SLC36A1: variants seen among roughly 807,000 people sequenced by gnomAD.
SLC36A1 encodes the protein solute carrier family 36 member 1, also known as proton-coupled amino acid transporter 1.
SLC36A1 carries 30 observed loss-of-function variants against 47.5 expected under a neutral mutation model. The observed-to-expected ratio is 0.63, with a 90% CI of 0.47 to 0.86. The LOEUF is 0.86. Ranked by LOEUF, SLC36A1 falls within the 40% of genes least tolerant of loss-of-function variation. The pLI is 0.00. For missense variants in SLC36A1, 517 were observed against 606.0 expected (o/e 0.85, Z 1.54); for synonymous variants, 255 against 249.7 (o/e 1.02, Z -0.20).
the SLC36A1 span, among the ~76,000 whole-genome samples, chr5:151,346,611 A>T: frequency 6.6e-6 from 1 of 151,762 alleles, no homozygotes; most frequent in African/African-American, 2.4e-5. Flanking sequence ...TCACTACCAC[A>T]CCCCACACCT....
chr5:151,347,623 A>G, the SLC36A1 span: 1 of 734,494 alleles, frequency 1.4e-6, no homozygotes, highest in Non-Finnish European at 2.3e-6. Flanking sequence ...CCTGGAGGGC[A>G]CCTCTTCCTG....
the SLC36A1 span, among the ~76,000 whole-genome samples, chr5:151,523,006 C>T: frequency 5.3e-5 from 8 of 152,150 alleles, no homozygotes; most frequent in Non-Finnish European, 2.9e-5. Context: ...AACTTCCTGC[C>T]TGACTTAGAA....
the SLC36A1 span, chr5:151,554,679 A>G: frequency 1.2e-6 from 2 of 1,602,292 alleles, no homozygotes; most frequent in Non-Finnish European, 1.7e-6. Flanking sequence ...GTCACCTGGG[A>G]GCAGAATTGA....
rs1450143526 is a variant in SLC36A1, at chr5:151,467,176, ATTCC to A, written c.420-14_420-11del. 1.3e-6 allele frequency: 2 copies of A among 1,544,996 alleles called. No individual in the cohort carries two copies. The highest frequency in any genetic ancestry group is 1.8e-6 in the Non-Finnish European group (2 of 1,126,174). On this transcript the variant is annotated intron_variant, in intron 5 of 10. Transcript: ENST00000243389. ...GCATTTGTATTGTAACAGTCTTTGT[ATTCC>A]TTCCTTCCCCACCTCCAGACGTGTT...
chr5:151,545,181 C>T, the SLC36A1 span: 1 of 1,614,194 alleles, frequency 6.2e-7, no homozygotes, highest in Non-Finnish European at 8.5e-7. Flanking sequence ...CCTTTCTGTC[C>T]TGCAAGTTCT....
At chr5:151,543,488 T>G in the SLC36A1 span, 16 of 1,614,164 alleles carry the variant, frequency 9.9e-6, no homozygotes, top group Non-Finnish European at 1.4e-5. Flanking sequence ...TCTGTTGAAT[T>G]TTCCCGATCC....
the SLC36A1 span, among the ~76,000 whole-genome samples, chr5:151,372,446 A>AT: frequency 6.2e-4 from 92 of 148,674 alleles, no homozygotes; most frequent in Admixed American, 8.8e-4. Context: ...TTCATTAAAA[A>AT]TTTTTTTTTT....
the SLC36A1 span, chr5:151,550,480 G>A: frequency 4.8e-4 from 597 of 1,244,072 alleles, 9 homozygotes; most frequent in South Asian, 7.4e-3. Context: ...ACTCTGTCTC[G>A]TGCATGGTCC....
At chr5:151,436,468 C>T (rs1041161119), upstream of SLC36A1, among the ~76,000 whole-genome samples, 29 of 151,972 alleles carry the variant, frequency 1.9e-4, no homozygotes, top group Admixed American at 4.6e-4. Flanking sequence ...TGATCAAGGA[C>T]TCCAAGGGTC....
intron 10 of SLC36A1, among the ~76,000 whole-genome samples, chr5:151,486,070 A>G (rs1759481320): frequency 1.3e-5 from 2 of 152,198 alleles, no homozygotes; most frequent in Non-Finnish European, 2.9e-5. Context: ...TTTATAAAGA[A>G]AAGAGGTTTA....
chr5:151,549,523 G>A, the SLC36A1 span: 4 of 1,610,376 alleles, frequency 2.5e-6, no homozygotes, highest in Admixed American at 3.3e-5. Context: ...CCCAAAGGGG[G>A]TAATTGGGTA....
the SLC36A1 span, among the ~76,000 whole-genome samples, chr5:151,533,814 A>G: frequency 3.2e-4 from 48 of 152,254 alleles, no homozygotes; most frequent in African/African-American, 1.1e-3. Context: ...GCAGGTATGT[A>G]TATACAATCA....
the SLC36A1 span, among the ~76,000 whole-genome samples, chr5:151,395,728 T>C: frequency 6.6e-6 from 1 of 152,184 alleles, no homozygotes; most frequent in Non-Finnish European, 1.5e-5. Context: ...AGATGGGCTG[T>C]GATAAGGATG....
intron 9 of SLC36A1, among the ~76,000 whole-genome samples, chr5:151,477,732 G>A (rs1271964787): frequency 6.6e-6 from 1 of 152,206 alleles, no homozygotes; most frequent in African/African-American, 2.4e-5. Flanking sequence ...TCCATCTTGT[G>A]TCTACTTTTA....
At chr5:151,522,211 C>T in the SLC36A1 span, 11 of 688,688 alleles carry the variant, frequency 1.6e-5, no homozygotes, top group East Asian at 5.6e-5. Flanking sequence ...GCTGGCTCAG[C>T]GCATTGTTGC....
At chr5:151,399,065 A>AATATATATATATATATAT in the SLC36A1 span, among the ~76,000 whole-genome samples, 186 of 66,566 alleles carry the variant, frequency 2.8e-3, 3 homozygotes, top group Middle Eastern at 0.025. Context: ...TGTGTGTGTA[A>AATATATATATATATATAT]ATATATATAT....
chr5:151,435,245 G>T (rs1043356591), upstream of SLC36A1, among the ~76,000 whole-genome samples: 6 of 152,206 alleles, frequency 3.9e-5, no homozygotes, highest in African/African-American at 1.4e-4. Flanking sequence ...TTTGCAGTCA[G>T]TCTGTCAGCT....
chr5:151,372,229 A>G, the SLC36A1 span, among the ~76,000 whole-genome samples: 1 of 152,162 alleles, frequency 6.6e-6, no homozygotes, highest in African/African-American at 2.4e-5. Flanking sequence ...TATACTCTCA[A>G]GACAGAATCA....
the SLC36A1 span, among the ~76,000 whole-genome samples, chr5:151,386,504 G>C: frequency 6.6e-6 from 1 of 152,038 alleles, no homozygotes; most frequent in Non-Finnish European, 1.5e-5. Flanking sequence ...CCACTTGTGT[G>C]GACATCTGTT....
Sources: gnomAD v4.1 joint callset for allele counts (sites outside exome capture counted in the v4.1 genomes callset) on GRCh38, gnomAD v4.1.1 for gene constraint, MANE v1.5 for transcripts, NCBI Gene and HGNC (gene_info 2026-07-23, HGNC 2026-07-21) for gene names.